Variants in RNF180 observed in about 807,000 individuals in gnomAD.
RNF180 encodes the protein E3 ubiquitin-protein ligase RNF180.
Under a neutral mutation model 59.2 loss-of-function variants are expected in RNF180, and 38 were observed. The observed-to-expected ratio is 0.64, with a 90% CI of 0.50 to 0.84. The LOEUF is 0.84. Ranked by LOEUF, RNF180 falls within the 40% of genes least tolerant of loss-of-function variation. RNF180 has a pLI of 0.00. For synonymous variants in RNF180, 262 were observed against 240.3 expected, an observed-to-expected ratio of 1.09 and a Z score of -0.84; for missense variants, 705 against 700.9, an observed-to-expected ratio of 1.01 and a Z score of -0.07.
At chr5:64,291,907 AT>A (rs1742608070) in intron 5 of RNF180, among the ~76,000 whole-genome samples, 1 of 152,008 alleles carries the variant, frequency 6.6e-6, no homozygotes, top group Non-Finnish European at 1.5e-5. Context: ...AAGCTCTGAG[AT>A]TCTGTCCTTC....
At chr5:64,278,800 G>A (rs1741855991) in intron 5 of RNF180, among the ~76,000 whole-genome samples, 1 of 152,050 alleles carries the variant, frequency 6.6e-6, no homozygotes, top group African/African-American at 2.4e-5. Context: ...AATTTTTGTA[G>A]AGATGGGGGT....
At chr5:64,336,434 A>G (rs566194877) in intron 7 of RNF180, among the ~76,000 whole-genome samples, 1 of 152,302 alleles carries the variant, frequency 6.6e-6, no homozygotes, top group East Asian at 1.9e-4. Flanking sequence ...CACAATAAAA[A>G]CACTCTAATG....
intron 5 of RNF180, among the ~76,000 whole-genome samples, chr5:64,244,752 T>C (rs964892539): frequency 3.3e-5 from 5 of 152,090 alleles, no homozygotes; most frequent in African/African-American, 9.6e-5. Context: ...CACAAAGATA[T>C]TCCTCAAGAA....
chr5:64,325,459 T>C (rs1449763190), intron 6 of RNF180, 48 bp downstream of exon 6: 1 of 1,256,822 alleles, frequency 8.0e-7, no homozygotes. Context: ...TTCTACCTCT[T>C]ATAGTTCTAA....
chr5:64,244,397 AC>A (rs201618041), intron 5 of RNF180, among the ~76,000 whole-genome samples: 15,577 of 147,230 alleles, frequency 0.11, 900 homozygotes, highest in South Asian at 0.17. Context: ...AACATAAATG[AC>A]CTGATGGAGC....
In RNF180 at chr5:64,222,290, T is replaced by G. The variant is rs566261783; in HGVS notation, c.1227+4894T>G. 3.5e-4 allele frequency among the ~76,000 whole-genome samples: 43 copies of G among 122,150 alleles called. 1 individual carries two copies. Among genetic ancestry groups the G allele is most frequent in the Admixed American group, 3.2e-3 (38 of 11,800 alleles). 80.1% of individuals were successfully genotyped at this position (122,150 alleles called of 152,430 possible). On this transcript the variant is annotated intron_variant, in intron 5 of 7. Coordinates refer to ENST00000389100, the MANE Select transcript of RNF180 (RefSeq NM_001113561.2). ...GCATGAATTCATACTTCCAGCTATG[T>G]TTTTTTTTAATTATACTTTAAGTTT... is the stretch of plus-strand genomic sequence containing the variant.
At chr5:64,251,521 C>T (rs906970437) in intron 5 of RNF180, among the ~76,000 whole-genome samples, 1 of 152,160 alleles carries the variant, frequency 6.6e-6, no homozygotes, top group Non-Finnish European at 1.5e-5. Context: ...CTCCTGGGCT[C>T]GAGCAAGCCT....
intron 5 of RNF180, among the ~76,000 whole-genome samples, chr5:64,319,064 T>C (rs1276343457): frequency 4.6e-5 from 7 of 152,146 alleles, no homozygotes; most frequent in African/African-American, 1.7e-4. Context: ...TAATGCAAGA[T>C]GTTAATAATA....
chr5:64,351,940 C>T (rs190848987), intron 7 of RNF180, among the ~76,000 whole-genome samples: 14,922 of 152,150 alleles, frequency 0.098, 843 homozygotes, highest in South Asian at 0.17. Context: ...AGGATTCCCT[C>T]TTTTTCTATT....
intron 7 of RNF180, among the ~76,000 whole-genome samples, chr5:64,362,579 T>C (rs1156647312): frequency 1.3e-5 from 2 of 151,920 alleles, no homozygotes; most frequent in Admixed American, 1.3e-4. Flanking sequence ...GATAGAATGA[T>C]TTATATTCCT....
intron 5 of RNF180, among the ~76,000 whole-genome samples, chr5:64,242,271 G>T (rs990462669): frequency 6.6e-6 from 1 of 152,200 alleles, no homozygotes; most frequent in African/African-American, 2.4e-5. Context: ...AAGCCAGTCT[G>T]TGAAGACTGG....
intron 5 of RNF180, among the ~76,000 whole-genome samples, chr5:64,284,450 C>A (rs909847951): frequency 3.3e-5 from 5 of 152,172 alleles, no homozygotes; most frequent in Non-Finnish European, 7.3e-5. Flanking sequence ...AATTTGGTTT[C>A]CAAGTTGCTT....
At chr5:64,363,452 A>G (rs1172231182) in intron 7 of RNF180, among the ~76,000 whole-genome samples, 2 of 150,318 alleles carry the variant, frequency 1.3e-5, no homozygotes, top group African/African-American at 2.4e-5. Flanking sequence ...ATTGATCGCT[A>G]TTTTTGTACT....
At chr5:64,362,043 TAA>T (rs1438295073) in intron 7 of RNF180, among the ~76,000 whole-genome samples, 1 of 151,472 alleles carries the variant, frequency 6.6e-6, no homozygotes, top group Non-Finnish European at 1.5e-5. Context: ...ATTAATTTAA[TAA>T]ATTTATTTTT....
At chr5:64,273,417 A>G (rs1741536796) in intron 5 of RNF180, among the ~76,000 whole-genome samples, 2 of 152,016 alleles carry the variant, frequency 1.3e-5, no homozygotes, top group African/African-American at 4.8e-5. Flanking sequence ...GCTTTCACTT[A>G]AAACAGAAGA....
intron 5 of RNF180, among the ~76,000 whole-genome samples, chr5:64,260,699 G>A (rs1230290646): frequency 6.6e-6 from 1 of 152,114 alleles, no homozygotes; most frequent in Non-Finnish European, 1.5e-5. Context: ...ATTTAGGGTT[G>A]AACCATGGTT....
At chr5:64,348,217 AAG>A (rs1184417818) in intron 7 of RNF180, among the ~76,000 whole-genome samples, 1 of 152,004 alleles carries the variant, frequency 6.6e-6, no homozygotes, top group Non-Finnish European at 1.5e-5. Context: ...TCTAATAGCA[AAG>A]AGAGAAAACA....
chr5:64,331,338 G>T (rs1001401310), intron 7 of RNF180, among the ~76,000 whole-genome samples: 1 of 152,208 alleles, frequency 6.6e-6, no homozygotes, highest in Non-Finnish European at 1.5e-5. Context: ...GAAGACTGGG[G>T]GCTGGGCTGT....
intron 3 of RNF180, among the ~76,000 whole-genome samples, chr5:64,213,352 TATC>T (rs1239686068): frequency 6.6e-6 from 1 of 152,184 alleles, no homozygotes; most frequent in East Asian, 1.9e-4. Flanking sequence ...TGCAATATGT[TATC>T]ATTCTAGAAC....
Sources: gnomAD v4.1 joint callset for allele counts (sites outside exome capture counted in the v4.1 genomes callset) on GRCh38, gnomAD v4.1.1 for gene constraint, MANE v1.5 for transcripts, NCBI Gene and HGNC (gene_info 2026-07-23, HGNC 2026-07-21) for gene names.